Variants in CACNA1C observed in about 807,000 individuals in gnomAD.
CACNA1C encodes voltage-dependent L-type calcium channel subunit alpha-1C.
Under a neutral mutation model 229.0 loss-of-function variants are expected in CACNA1C, and 30 were observed. That is an observed-to-expected ratio of 0.13 (90% CI 0.10 to 0.18). The LOEUF is 0.18. Ranked by LOEUF, CACNA1C falls within the 10% of genes least tolerant of loss-of-function variation. The pLI, the probability that CACNA1C is intolerant of heterozygous loss-of-function variation, is 1.00. For synonymous variants in CACNA1C, 1,114 were observed against 1,132.5 expected, an observed-to-expected ratio of 0.98 and a Z score of 0.33; for missense variants, 1,658 against 2,845.0, an observed-to-expected ratio of 0.58 and a Z score of 9.49.
At chr12:2,209,467 G>A (rs1459385794) in intron 3 of CACNA1C, among the ~76,000 whole-genome samples, 7 of 152,316 alleles carry the variant, frequency 4.6e-5, no homozygotes, top group Admixed American at 3.9e-4. Context: ...GAGGGAGTGG[G>A]GGAGGCACGC....
In CACNA1C at chr12:2,512,901, G is replaced by C. The variant is rs1194149645; in HGVS notation, c.1307G>C (p.Gly436Ala). The C allele has an allele frequency of 3.1e-6, 5 of 1,612,926 alleles. No homozygotes were observed. The highest frequency in any genetic ancestry group is 2.2e-5 in the East Asian group (1 of 44,864). The change falls in exon 9 of 47, where the codon GGC (glycine) becomes GCC (alanine). Residue 436 changes from glycine (G) to alanine (A), a missense_variant. Around this residue, in one of 20 missense-constraint regions of CACNA1C, gnomAD observed 149 missense variants for 194.2 expected, o/e 0.77. Transcript: ENST00000399655. This position sits in a 1 kb window ranked among gnomAD's most constrained non-coding sequence, Gnocchi z 4.3. ...CAGCAGCTAGAAGAGGATCTCAAAG[G>C]CTACCTGGATTGGATCACTCAGGCC... ...EKQQLEEDLK[G>A]YLDWITQAED... is the part of the protein sequence containing the mutation.
chr12:2,060,171 T>C (rs776966913), intron 1 of CACNA1C, among the ~76,000 whole-genome samples: 3 of 152,198 alleles, frequency 2.0e-5, no homozygotes, highest in Non-Finnish European at 4.4e-5. Flanking sequence ...GGCCCCAATC[T>C]AGGCTTGTTT....
At chr12:2,271,585 A>G (rs540385227) in intron 3 of CACNA1C, among the ~76,000 whole-genome samples, 1 of 152,310 alleles carries the variant, frequency 6.6e-6, no homozygotes, top group East Asian at 1.9e-4. Context: ...GTAGGGAATT[A>G]GTATGAAGAT....
chr12:2,002,575 T>C, intron 1 of CACNA1C, among the ~76,000 whole-genome samples: 1 of 152,196 alleles, frequency 6.6e-6, no homozygotes, highest in Admixed American at 6.5e-5. Context: ...AAGGTATCTA[T>C]CACATTGATA....
At chr12:2,415,433 C>T (rs1455858578) in intron 3 of CACNA1C, among the ~76,000 whole-genome samples, 1 of 152,182 alleles carries the variant, frequency 6.6e-6, no homozygotes, top group Non-Finnish European at 1.5e-5. Flanking sequence ...AAGCTGGTGA[C>T]CTGAGCTGTG....
At chr12:2,269,673 A>C (rs1325813254) in intron 3 of CACNA1C, 1 of 152,194 alleles carries the variant, frequency 6.6e-6, no homozygotes, top group African/African-American at 2.4e-5. Context: ...AGTTGGCATC[A>C]TAATAGGAAA....
rs368485251 is a variant in CACNA1C, at chr12:2,116,659, C to T, written c.371+1114C>T. On this transcript the variant is annotated intron_variant, in intron 2 of 46. Coordinates refer to ENST00000399655, the MANE Select transcript of CACNA1C (RefSeq NM_000719.7). The stretch of plus-strand genomic sequence containing the variant: ...TGGGATTACAGGTGTAATCTGCCAC[C>T]GTGCCCAGCCCAGAAAGGACCTTTA... Among the ~76,000 whole-genome samples the T allele has an allele frequency of 8.5e-5, 13 of 152,238 alleles. No individual in the cohort carries two copies. The East Asian group carries it at 1.5e-3, about 18-fold the overall frequency.
At chr12:2,235,940 G>GACATC (rs1566584459) in intron 3 of CACNA1C, among the ~76,000 whole-genome samples, 4 of 152,162 alleles carry the variant, frequency 2.6e-5, no homozygotes, top group South Asian at 2.1e-4. Context: ...ACGTTCACAG[G>GACATC]ACATCACAGA....
At chr12:2,540,102 C>T (rs931642522) in intron 9 of CACNA1C, among the ~76,000 whole-genome samples, 1 of 152,152 alleles carries the variant, frequency 6.6e-6, no homozygotes, top group African/African-American at 2.4e-5. Flanking sequence ...AACGCCCCAC[C>T]TCTCTCTCCT....
chr12:2,350,513 A>G (rs1391283983), intron 3 of CACNA1C, among the ~76,000 whole-genome samples: 1 of 152,204 alleles, frequency 6.6e-6, no homozygotes, highest in Non-Finnish European at 1.5e-5. Context: ...TAAGTAGCAG[A>G]AAGAGAAAGA....
chr12:2,317,028 A>T (rs1023383386), intron 3 of CACNA1C, among the ~76,000 whole-genome samples: 11 of 152,258 alleles, frequency 7.2e-5, no homozygotes, highest in African/African-American at 2.2e-4. Flanking sequence ...GGTGGCATGG[A>T]TGTGGACAGA....
At chr12:2,323,202 T>C (rs766897791) in intron 3 of CACNA1C, among the ~76,000 whole-genome samples, 2 of 152,170 alleles carry the variant, frequency 1.3e-5, no homozygotes. Flanking sequence ...TTCCTCTATC[T>C]CAATCTGGTA....
chr12:2,349,769 T>A (rs2097153065), intron 3 of CACNA1C, among the ~76,000 whole-genome samples: 1 of 151,974 alleles, frequency 6.6e-6, no homozygotes, highest in African/African-American at 2.4e-5. Flanking sequence ...GATAGGATGG[T>A]TGTATGGGAG....
chr12:2,017,929 C>T (rs749061739), intron 1 of CACNA1C, among the ~76,000 whole-genome samples: 6 of 152,172 alleles, frequency 3.9e-5, no homozygotes, highest in East Asian at 3.8e-4. Flanking sequence ...GCCTTCTACA[C>T]GGACTCAACA....
In CACNA1C at chr12:2,411,287, C is replaced by G. The variant is rs58017093; in HGVS notation, c.478-37689C>G. Among the ~76,000 whole-genome samples the G allele has an allele frequency of 1.8e-3, 268 of 151,998 alleles. 1 individual carries two copies. The highest frequency in any genetic ancestry group is 1.1e-3 in the Non-Finnish European group (76 of 67,942). ...GCAGGCCTTATATAGACAGGAAAAGCAGGGTGACTGGAAGTACTCAGTCAC... is the reference window on the plus strand; with the variant it reads ...GCAGGCCTTATATAGACAGGAAAAGGAGGGTGACTGGAAGTACTCAGTCAC... On this transcript the variant is annotated intron_variant, in intron 3 of 46. Coordinates refer to ENST00000399655, the MANE Select transcript of CACNA1C (RefSeq NM_000719.7).
intron 1 of CACNA1C, among the ~76,000 whole-genome samples, chr12:2,060,018 A>G (rs1278648118): frequency 6.6e-6 from 1 of 152,204 alleles, no homozygotes; most frequent in Non-Finnish European, 1.5e-5. Context: ...GAAATCTATC[A>G]TTGGAAAGGT....
At position 2,512,812 on chromosome 12, in the gene CACNA1C, A is replaced by G; in HGVS notation, c.1218A>G (p.Gly406=). Residue 406 remains glycine (G), a splice_region_variant and synonymous_variant, in exon 9 of 47, where the codon GGA becomes GGG. Transcript: ENST00000399655. This position sits in a 1 kb window ranked among gnomAD's most constrained non-coding sequence, Gnocchi z 4.3. ...CTGCCCCTCCTCTCACTCTCACCAG[A>G]GAGTTTTCCAAAGAGAGGGAGAAGG... ...VLNLVLGVLS[G]EFSKEREKAK... is the part of the protein sequence containing the mutation. 1 of 1,610,010 alleles carries G rather than the reference A, an allele frequency of 6.2e-7. No individual in the cohort carries two copies. The highest frequency in any genetic ancestry group is 8.5e-7 in the Non-Finnish European group (1 of 1,178,212).
intron 3 of CACNA1C, among the ~76,000 whole-genome samples, chr12:2,359,857 ACTC>A (rs1489489759): frequency 1.3e-5 from 2 of 151,842 alleles, no homozygotes; most frequent in Admixed American, 1.3e-4. Context: ...TACAGGAAGA[ACTC>A]CTTATCACAG....
chr12:2,035,646 G>A (rs779149424), intron 1 of CACNA1C, among the ~76,000 whole-genome samples: 3 of 152,228 alleles, frequency 2.0e-5, no homozygotes, highest in Non-Finnish European at 2.9e-5. Context: ...ATTCAAGCTG[G>A]GATCCCCATA....
Sources: allele counts gnomAD v4.1 joint callset (sites outside exome capture counted in the v4.1 genomes callset), GRCh38; gene constraint gnomAD v4.1.1; regional missense constraint gnomAD v4.1.1; non-coding constraint Gnocchi (gnomAD v3.1); transcripts MANE v1.5; gene names NCBI Gene and HGNC (gene_info 2026-07-23, HGNC 2026-07-21).